The following KCNH5 variants were observed in gnomAD, a reference collection of about 807,000 sequenced individuals.
The protein encoded by KCNH5 is potassium voltage-gated channel subfamily H member 5, also known as voltage-gated delayed rectifier potassium channel KCNH5.
KCNH5 carries 46 observed loss-of-function variants against 96.1 expected under a neutral mutation model. The observed-to-expected ratio is 0.48, with a 90% CI of 0.38 to 0.61. The LOEUF (loss-of-function observed/expected upper bound fraction) is 0.61. KCNH5 is among the 20% of genes least tolerant of loss of function. The probability of loss-of-function intolerance (pLI) is 0.00; values close to 1 mark genes in which losing one functional copy is unlikely to be tolerated. For synonymous variants in KCNH5, 439 were observed against 449.8 expected (o/e 0.98, Z 0.30); for missense variants, 907 against 1,225.8 (o/e 0.74, Z 3.88).
intron 10 of KCNH5, among the ~76,000 whole-genome samples, chr14:62,747,154 T>C (rs1201546494): frequency 6.6e-6 from 1 of 152,124 alleles, no homozygotes; most frequent in East Asian, 1.9e-4. Context: ...GCCAACATGG[T>C]GAAGACCCAT....
At chr14:62,891,343 G>T (rs1888706793) in intron 7 of KCNH5, among the ~76,000 whole-genome samples, 1 of 152,138 alleles carries the variant, frequency 6.6e-6, no homozygotes, top group Non-Finnish European at 1.5e-5. Context: ...CTTCTAAGTA[G>T]GAGCTAAATG....
At chr14:62,958,008 G>A (rs1291280486) in intron 6 of KCNH5, among the ~76,000 whole-genome samples, 1 of 152,192 alleles carries the variant, frequency 6.6e-6, no homozygotes, top group East Asian at 1.9e-4. Context: ...TAAGAAAAGT[G>A]CATATGTTAC....
intron 1 of KCNH5, among the ~76,000 whole-genome samples, chr14:63,034,108 C>T (rs901750833): frequency 6.6e-6 from 1 of 151,924 alleles, no homozygotes; most frequent in Non-Finnish European, 1.5e-5. Context: ...TTAGTAGAGG[C>T]GGGGTTTTAC....
At chr14:63,016,790 T>C in intron 2 of KCNH5, 41 bp downstream of exon 2, 1 of 1,589,648 alleles carries the variant, frequency 6.3e-7, no homozygotes, top group Non-Finnish European at 8.5e-7. Context: ...CAGATTTTTG[T>C]TAAATTTCAG....
intron 6 of KCNH5, among the ~76,000 whole-genome samples, chr14:62,954,478 T>C (rs1890064258): frequency 6.6e-6 from 1 of 152,174 alleles, no homozygotes; most frequent in South Asian, 2.1e-4. Context: ...AATAATTCAA[T>C]AAATGAAAGA....
At chr14:62,723,274 C>T (rs879844084) in intron 10 of KCNH5, among the ~76,000 whole-genome samples, 13 of 152,154 alleles carry the variant, frequency 8.5e-5, no homozygotes, top group Non-Finnish European at 1.9e-4. Flanking sequence ...ATATCACACA[C>T]ATGCATAAAT....
At chr14:62,832,895 G>A (rs1887385243) in intron 8 of KCNH5, among the ~76,000 whole-genome samples, 1 of 152,090 alleles carries the variant, frequency 6.6e-6, no homozygotes, top group South Asian at 2.1e-4. Flanking sequence ...TGATGTACCT[G>A]TCAGCCATTT....
chr14:62,952,531 G>T (rs1453645113), intron 6 of KCNH5, among the ~76,000 whole-genome samples: 1 of 152,138 alleles, frequency 6.6e-6, no homozygotes, highest in Non-Finnish European at 1.5e-5. Context: ...AACTCAAACA[G>T]AGTTCAGTTT....
chr14:62,807,087 C>A (rs935040379), intron 8 of KCNH5, among the ~76,000 whole-genome samples: 2 of 152,172 alleles, frequency 1.3e-5, no homozygotes, highest in Non-Finnish European at 2.9e-5. Flanking sequence ...CTTCCCCACA[C>A]TGCACAGGCA....
At chr14:62,761,584 G>A (rs2139956335) in intron 10 of KCNH5, among the ~76,000 whole-genome samples, 1 of 152,182 alleles carries the variant, frequency 6.6e-6, no homozygotes, top group Non-Finnish European at 1.5e-5. Flanking sequence ...TTGGGGGTTG[G>A]GGAGGGAAGA....
chr14:62,872,630 T>A (rs183011022), intron 7 of KCNH5, among the ~76,000 whole-genome samples: 22 of 152,116 alleles, frequency 1.4e-4, no homozygotes, highest in Non-Finnish European at 2.5e-4. Context: ...GAGGCGGAGG[T>A]TGCAGTGAGC....
At chr14:62,783,516 G>A (rs954497261) in intron 9 of KCNH5, among the ~76,000 whole-genome samples, 5 of 151,998 alleles carry the variant, frequency 3.3e-5, no homozygotes, top group African/African-American at 9.7e-5. Context: ...TTCTCAAATT[G>A]TCAATTATAA....
chr14:62,909,136 C>T (rs564748059), intron 7 of KCNH5, among the ~76,000 whole-genome samples: 1,448 of 143,212 alleles, frequency 0.01, 12 homozygotes, highest in Non-Finnish European at 0.016. Flanking sequence ...AGCTCCGCCT[C>T]CCGGGTTCAC....
intron 6 of KCNH5, among the ~76,000 whole-genome samples, chr14:62,955,941 A>T (rs1890095966): frequency 6.6e-6 from 1 of 152,166 alleles, no homozygotes; most frequent in Admixed American, 6.5e-5. Context: ...ACTCAGACCC[A>T]GTCCTTCAGA....
chr14:62,891,641 A>G (rs920867993), intron 7 of KCNH5, among the ~76,000 whole-genome samples: 1 of 152,208 alleles, frequency 6.6e-6, no homozygotes, highest in African/African-American at 2.4e-5. Context: ...TGTGCTTCAC[A>G]AATACTGTCG....
intron 9 of KCNH5, among the ~76,000 whole-genome samples, chr14:62,800,503 T>C (rs1886639153): frequency 6.6e-6 from 1 of 152,106 alleles, no homozygotes; most frequent in Admixed American, 6.6e-5. Context: ...GTTACCCAAA[T>C]GAAGTTGTAA....
At chr14:62,818,180 T>G (rs939927681) in intron 8 of KCNH5, among the ~76,000 whole-genome samples, 5 of 150,106 alleles carry the variant, frequency 3.3e-5, no homozygotes, top group African/African-American at 1.2e-4. Context: ...AATGAATAAG[T>G]TCTAGAGACC....
At chr14:62,904,902 T>A (rs911914190) in intron 7 of KCNH5, among the ~76,000 whole-genome samples, 2 of 152,206 alleles carry the variant, frequency 1.3e-5, no homozygotes, top group African/African-American at 4.8e-5. Flanking sequence ...GCTTTTTAGA[T>A]CAAAGGAAGT....
intron 8 of KCNH5, among the ~76,000 whole-genome samples, chr14:62,805,172 C>A (rs1169102870): frequency 6.6e-6 from 1 of 152,060 alleles, no homozygotes; most frequent in Non-Finnish European, 1.5e-5. Flanking sequence ...CCACATAGGA[C>A]TTTCATTGTT....
Sources: gnomAD v4.1 joint callset for allele counts (sites outside exome capture counted in the v4.1 genomes callset) on GRCh38, gnomAD v4.1.1 for gene constraint, MANE v1.5 for transcripts, NCBI Gene and HGNC (gene_info 2026-07-23, HGNC 2026-07-21) for gene names.